SCAPER: variants seen among roughly 807,000 people sequenced by gnomAD.
The protein encoded by SCAPER is S phase cyclin A-associated protein in the endoplasmic reticulum.
SCAPER carries 98 observed loss-of-function variants against 182.2 expected under a neutral mutation model. The ratio of observed to expected loss-of-function variants is 0.54; its 90% CI spans 0.46 to 0.64. The LOEUF (loss-of-function observed/expected upper bound fraction) is 0.64, where lower values mean the gene tolerates loss of function less well. Among genes scored for constraint, SCAPER ranks in the 30% least tolerant of loss-of-function variants. SCAPER has a pLI of 0.00. For missense variants in SCAPER, 1,432 were observed against 1,690.0 expected (o/e 0.85, Z 2.68); for synonymous variants, 605 against 564.6 (o/e 1.07, Z -1.01).
intron 24 of SCAPER, among the ~76,000 whole-genome samples, chr15:76,504,304 C>T (rs532483845): frequency 6.6e-6 from 1 of 152,250 alleles, no homozygotes; most frequent in East Asian, 1.9e-4. Flanking sequence ...AACAACATTG[C>T]TGCTATACCC....
intron 23 of SCAPER, among the ~76,000 whole-genome samples, chr15:76,541,522 T>C (rs747449992): frequency 3.4e-4 from 52 of 152,324 alleles, no homozygotes; most frequent in Middle Eastern, 3.4e-3. Flanking sequence ...TCATCGAGAT[T>C]TTCCTCACCA....
chr15:76,677,926 A>G (rs1468706033), intron 20 of SCAPER, among the ~76,000 whole-genome samples: 1 of 152,012 alleles, frequency 6.6e-6, no homozygotes, highest in Non-Finnish European at 1.5e-5. Context: ...TTCTAAAAAT[A>G]GAATAGGCAG....
intron 28 of SCAPER, among the ~76,000 whole-genome samples, chr15:76,377,810 T>A (rs754631071): frequency 6.6e-6 from 1 of 152,140 alleles, no homozygotes; most frequent in African/African-American, 2.4e-5. Flanking sequence ...AGCATACAGG[T>A]TTGTGGCTTT....
In SCAPER at chr15:76,905,323, G is replaced by A. The variant is rs942211513; in HGVS notation, c.-84C>T. Reference sequence around the variant, plus strand: ...CCCCCGACCGCCCTGCTTAGTTCGGGGCGGCTCAAAGCGTCCCGCCGGGAA... The same window carrying A: ...CCCCCGACCGCCCTGCTTAGTTCGGAGCGGCTCAAAGCGTCCCGCCGGGAA... On this transcript the variant is annotated 5_prime_UTR_variant, in exon 1 of 32. Coordinates refer to ENST00000563290, the MANE Select transcript of SCAPER (RefSeq NM_020843.4). 1 of 257,266 alleles carries A rather than the reference G, an allele frequency of 3.9e-6. No individual in the cohort carries two copies. Among genetic ancestry groups the A allele is most frequent in the Non-Finnish European group, 8.1e-6 (1 of 123,580 alleles). 15.9% of individuals were successfully genotyped at this position (257,266 alleles called of 1,614,324 possible).
intron 2 of SCAPER, among the ~76,000 whole-genome samples, chr15:76,863,342 G>A (rs2072026850): frequency 6.6e-6 from 1 of 152,198 alleles, no homozygotes. Flanking sequence ...TGGGAAACCT[G>A]CCTCTTTGTG....
intron 24 of SCAPER, among the ~76,000 whole-genome samples, chr15:76,472,791 G>A (rs775481006): frequency 1.3e-5 from 2 of 152,176 alleles, no homozygotes; most frequent in East Asian, 3.8e-4. Context: ...CATTTTGAGA[G>A]ACTTCTTGAC....
chr15:76,766,794 G>A (rs1381998125), intron 11 of SCAPER, 124 bp downstream of exon 11: 3 of 758,118 alleles, frequency 4.0e-6, no homozygotes, highest in Admixed American at 3.3e-5. Flanking sequence ...TATGATTACT[G>A]AACATGATTT....
At chr15:76,591,384 C>T (rs1277306837) in intron 22 of SCAPER, among the ~76,000 whole-genome samples, 2 of 152,052 alleles carry the variant, frequency 1.3e-5, no homozygotes, top group Non-Finnish European at 2.9e-5. Context: ...GTGGCAATAA[C>T]AAAAACAATG....
chr15:76,397,459 T>C (rs919539445), intron 27 of SCAPER, among the ~76,000 whole-genome samples: 13 of 150,976 alleles, frequency 8.6e-5, no homozygotes, highest in Non-Finnish European at 1.6e-4. Flanking sequence ...TCCTGGGCTT[T>C]TCTTTATTGG....
chr15:76,780,115 T>C (rs1366395800), intron 8 of SCAPER, among the ~76,000 whole-genome samples: 5 of 152,246 alleles, frequency 3.3e-5, no homozygotes, highest in African/African-American at 1.2e-4. Flanking sequence ...GGGATTTCCC[T>C]TTCCTAGCCA....
chr15:76,701,639 G>T, intron 20 of SCAPER, 119 bp downstream of exon 20: 1 of 708,784 alleles, frequency 1.4e-6, no homozygotes, highest in Non-Finnish European at 2.4e-6. Flanking sequence ...TAGCTATTAA[G>T]TGCTAAATAT....
intron 13 of SCAPER, 69 bp from the exon 14 acceptor site, chr15:76,765,141 T>TA: frequency 8.3e-7 from 1 of 1,200,386 alleles, no homozygotes; most frequent in Non-Finnish European, 1.2e-6. Flanking sequence ...AAGTGTTCTT[T>TA]AGACTTCATA....
chr15:76,478,789 A>T (rs1298214964), intron 24 of SCAPER, among the ~76,000 whole-genome samples: 1 of 152,182 alleles, frequency 6.6e-6, no homozygotes, highest in African/African-American at 2.4e-5. Flanking sequence ...TTTATAGTAG[A>T]GTCAATATAT....
chr15:76,521,280 G>A (rs967249235), intron 23 of SCAPER, among the ~76,000 whole-genome samples: 1 of 151,768 alleles, frequency 6.6e-6, no homozygotes, highest in African/African-American at 2.4e-5. Context: ...TCACTGTCTT[G>A]GATTCATATA....
intron 24 of SCAPER, among the ~76,000 whole-genome samples, chr15:76,500,885 CA>C (rs199875629): frequency 6.7e-6 from 1 of 149,552 alleles, no homozygotes; most frequent in Non-Finnish European, 1.5e-5. Context: ...ACTAAAAATA[CA>C]AAAAAAAAGA....
At chr15:76,371,787 G>A (rs1596329926) in intron 29 of SCAPER, among the ~76,000 whole-genome samples, 2 of 151,640 alleles carry the variant, frequency 1.3e-5, no homozygotes, top group Admixed American at 6.6e-5. Context: ...GCGTGGTGGC[G>A]CATGCCTGTG....
chr15:76,592,426 A>G (rs1447152731), intron 22 of SCAPER, among the ~76,000 whole-genome samples: 1 of 122,318 alleles, frequency 8.2e-6, no homozygotes, highest in Non-Finnish European at 2.0e-5. Flanking sequence ...AGACAGTTGA[A>G]TAAGTGAGAC....
At chr15:76,401,572 G>C (rs1258895075) in intron 27 of SCAPER, among the ~76,000 whole-genome samples, 1 of 152,136 alleles carries the variant, frequency 6.6e-6, no homozygotes, top group Non-Finnish European at 1.5e-5. Flanking sequence ...AGCAGCCTTT[G>C]ACAGCTCTAG....
At chr15:76,738,546 A>AAT (rs1339146575) in intron 15 of SCAPER, among the ~76,000 whole-genome samples, 1 of 151,482 alleles carries the variant, frequency 6.6e-6, no homozygotes, top group Non-Finnish European at 1.5e-5. Context: ...TGTCTCAAAA[A>AAT]AAAAAAAAGA....
Sources: gnomAD v4.1 joint callset for allele counts (sites outside exome capture counted in the v4.1 genomes callset) on GRCh38, gnomAD v4.1.1 for gene constraint, MANE v1.5 for transcripts, NCBI Gene and HGNC (gene_info 2026-07-23, HGNC 2026-07-21) for gene names.